Variants in DUS1L observed in about 807,000 individuals in gnomAD.
DUS1L encodes the protein tRNA-dihydrouridine(16/17) synthase [NAD(P)(+)]-like.
Under a neutral mutation model 61.2 loss-of-function variants are expected in DUS1L, and 56 were observed. That is an observed-to-expected ratio of 0.92 (90% confidence interval 0.74 to 1.14). DUS1L has a LOEUF of 1.14. Among genes scored for constraint, DUS1L ranks in the 50% most tolerant of loss-of-function variants. The probability of loss-of-function intolerance (pLI) is 0.00; values close to 1 mark genes in which losing one functional copy is unlikely to be tolerated. For synonymous variants in DUS1L, 278 were observed against 259.5 expected, an observed-to-expected ratio of 1.07 and a Z score of -0.69; for missense variants, 630 against 632.4, an observed-to-expected ratio of 1.00 and a Z score of 0.04.
At chr17:82,063,149 G>A (rs977154316) in intron 4 of DUS1L, 176 bp from the exon 5 acceptor site, 17 of 649,784 alleles carry the variant, frequency 2.6e-5, no homozygotes, top group Non-Finnish European at 4.3e-5. Flanking sequence ...GGCTCCCTCC[G>A]CCATACCCCC....
At chr17:82,058,557 G>C (rs2033207275) in intron 12 of DUS1L, 141 bp from the exon 13 acceptor site, 1 of 1,451,534 alleles carries the variant, frequency 6.9e-7, no homozygotes. Context: ...TCCCAAGCCA[G>C]ATGCCTCTCC....
Position 82,058,778 on chromosome 17 carries a change from C to T in DUS1L, c.1206+3G>A. On this transcript the variant is annotated splice_donor_region_variant and intron_variant, in intron 12 of 13. Coordinates refer to ENST00000306796, the MANE Select transcript of DUS1L (RefSeq NM_022156.5). ...TGGTGGCTTGCAGCCGGAACCCACTCACCTTTGGGTTTCCACACTGGTCAC... is the reference window on the plus strand; with the variant it reads ...TGGTGGCTTGCAGCCGGAACCCACTTACCTTTGGGTTTCCACACTGGTCAC... 6.2e-7 allele frequency: 1 copy of T among 1,613,416 alleles called. No homozygotes were observed. The highest frequency in any genetic ancestry group is 8.5e-7 in the Non-Finnish European group (1 of 1,179,938).
rs748078918 is a variant in DUS1L, at chr17:82,061,250, CA to C, written c.800del (p.Leu267ArgfsTer29). ...LDIVREHPCP[L>X]SYVRAHLFKL... ...TGAAGAGGTGGGCCCGGACGTAGGA[CA>C]GGGGGCAGGGGTGCTCCCGCACGAT... On this transcript the variant is annotated frameshift_variant, in exon 8 of 14. Transcript: ENST00000306796. LOFTEE classifies it high-confidence loss of function. 1 of 1,609,126 alleles carries C rather than the reference CA, an allele frequency of 6.2e-7. No individual in the cohort carries two copies. The highest frequency in any genetic ancestry group is 8.5e-7 in the Non-Finnish European group (1 of 1,177,748).
intron 3 of DUS1L, 31 bp downstream of exon 3, chr17:82,064,095 C>T: frequency 6.3e-7 from 1 of 1,595,460 alleles, no homozygotes; most frequent in Non-Finnish European, 8.6e-7. Context: ...GCCCCTGCCC[C>T]AGGTGCCCCC....
intron 5 of DUS1L, 22 bp downstream of exon 5, chr17:82,062,838 AC>A (rs1348300332): frequency 1.3e-6 from 2 of 1,592,938 alleles, no homozygotes; most frequent in Non-Finnish European, 8.6e-7. Flanking sequence ...GGCCCATGAC[AC>A]CCCCGCGAGC....
intron 4 of DUS1L, chr17:82,063,233 A>T (rs1181849780): frequency 1.6e-6 from 1 of 645,052 alleles, no homozygotes; most frequent in Non-Finnish European, 2.7e-6. Context: ...GGGCCCGAGC[A>T]AGGACTCTGC....
chr17:82,063,542 G>T (rs1164058851), intron 3 of DUS1L, 24 bp from the exon 4 acceptor site: 1 of 1,612,998 alleles, frequency 6.2e-7, no homozygotes, highest in Admixed American at 1.7e-5. Flanking sequence ...GCATGGCCTG[G>T]CTGGCACCTG....
chr17:82,060,520 A>G, intron 10 of DUS1L, 181 bp downstream of exon 10: 1 of 722,480 alleles, frequency 1.4e-6, no homozygotes, highest in Non-Finnish European at 2.2e-6. Context: ...CACCAAGGAC[A>G]CCGAGGGGCA....
chr17:82,058,066 G>C lies in DUS1L; in HGVS notation c.*49C>G. ...GAGTAAAAGGCATTTTCTTAAGTAG[G>C]ACGTGTCCAGGCTCCAGCAGCAGTC... On this transcript the variant is annotated 3_prime_UTR_variant, in exon 14 of 14. Transcript: ENST00000306796. The C allele has an allele frequency of 6.8e-7, 1 of 1,475,990 alleles. No homozygotes were observed. Among genetic ancestry groups the C allele is most frequent in the East Asian group, 2.5e-5 (1 of 40,258 alleles). 91.4% of individuals were successfully genotyped at this position (1,475,990 alleles called of 1,614,324 possible).
intron 11 of DUS1L, 111 bp from the exon 12 acceptor site, chr17:82,058,929 G>A: frequency 2.0e-6 from 2 of 1,011,140 alleles, no homozygotes; most frequent in South Asian, 1.3e-5. Context: ...GCCAGCTGTG[G>A]CCAGCCAGGC....
At position 82,064,784 on chromosome 17, in the gene DUS1L, A is replaced by C. The variant is rs201047778; in HGVS notation, c.237+39T>G. 5.0e-3 allele frequency: 7,575 copies of C among 1,506,762 alleles called. 44 individuals carry two copies. The highest frequency in any genetic ancestry group is 0.013 in the Middle Eastern group (57 of 4,308). 93.3% of individuals were successfully genotyped at this position (1,506,762 alleles called of 1,614,324 possible). On this transcript the variant is annotated intron_variant, in intron 2 of 13. Transcript: ENST00000306796. ...TTTCCCCAGGCATTCCAGGACCGGGAACCCAACCGCGGCCGCGGCCACAGC... is the reference window on the plus strand; with the variant it reads ...TTTCCCCAGGCATTCCAGGACCGGGCACCCAACCGCGGCCGCGGCCACAGC...
At position 82,060,788 on chromosome 17, in the gene DUS1L, A is replaced by T. The variant is rs1236384360; in HGVS notation, c.940-5T>A. 1 of 1,612,090 alleles carries T rather than the reference A, an allele frequency of 6.2e-7. No homozygotes were observed. Among genetic ancestry groups the T allele is most frequent in the Non-Finnish European group, 8.5e-7 (1 of 1,179,520 alleles). The stretch of plus-strand genomic sequence containing the variant: ...CTCCTGCCTGGATATCTCCTCCTGC[A>T]AAAGCCCAAGGCCCTGGTCATGGCC... On this transcript the variant is annotated splice_region_variant and splice_polypyrimidine_tract_variant and intron_variant, in intron 9 of 13. Coordinates refer to ENST00000306796, the MANE Select transcript of DUS1L (RefSeq NM_022156.5).
At position 82,061,087 on chromosome 17, in the gene DUS1L, C is replaced by T. The variant is rs2033467883; in HGVS notation, c.842+122G>A. Reference sequence around the variant, plus strand: ...ACTCCACTCCTAAGTCACCCCAGCCCCTCAAGACCTGACTTAGCAGCAAGT... The same window carrying T: ...ACTCCACTCCTAAGTCACCCCAGCCTCTCAAGACCTGACTTAGCAGCAAGT... On this transcript the variant is annotated intron_variant, in intron 8 of 13. Transcript: ENST00000306796. 2.6e-6 allele frequency: 4 copies of T among 1,534,642 alleles called. No individual in the cohort carries two copies. The South Asian group carries it at 3.6e-5, about 14-fold the overall frequency.
rs1297162163 is a variant in DUS1L at position 82,057,802 on chromosome 17, A to G, written c.*313T>C. Reference sequence around the variant, plus strand: ...TGTATCCTGTTGTTCAGAAGCCCCCACTGGCCCCAACCGCACCTGCCCCGG... The same window carrying G: ...TGTATCCTGTTGTTCAGAAGCCCCCGCTGGCCCCAACCGCACCTGCCCCGG... On this transcript the variant is annotated 3_prime_UTR_variant, in exon 14 of 14. Transcript: ENST00000306796. 7.5e-6 allele frequency: 2 copies of G among 266,778 alleles called. No homozygotes were observed. Among genetic ancestry groups the G allele is most frequent in the Non-Finnish European group, 1.4e-5 (2 of 140,962 alleles). 16.5% of individuals were successfully genotyped at this position (266,778 alleles called of 1,614,324 possible).
In DUS1L at chr17:82,057,776, A is replaced by C. The variant is rs770186941; in HGVS notation, c.*339T>G. 3.4e-5 allele frequency: 8 copies of C among 231,930 alleles called. No individual in the cohort carries two copies. Among genetic ancestry groups the C allele is most frequent in the Non-Finnish European group, 5.1e-5 (6 of 118,116 alleles). 14.4% of individuals were successfully genotyped at this position (231,930 alleles called of 1,614,324 possible). A position where few individuals can be genotyped will look rare whatever the true frequency, so the allele number is the denominator to read the frequency against. On this transcript the variant is annotated 3_prime_UTR_variant, in exon 14 of 14. Transcript: ENST00000306796. ...CTACCCAGATGCTGCCTTCATTTAG[A>C]TGTATCCTGTTGTTCAGAAGCCCCC...
intron 11 of DUS1L, chr17:82,059,067 G>C (rs1598547159): frequency 3.6e-6 from 2 of 557,800 alleles, no homozygotes; most frequent in East Asian, 5.9e-5. Context: ...GGGCTGGGGG[G>C]CCGCCGCAGG....
rs1226768052 is a variant in DUS1L, at chr17:82,057,680, G to A, written c.*435C>T. ...GGCTGTGAGGCATCACGAAGCTCCC[G>A]GAGGCTTTGGCCACTTGCCTATGGA... On this transcript the variant is annotated 3_prime_UTR_variant, in exon 14 of 14. Transcript: ENST00000306796. 4.6e-6 allele frequency: 1 copy of A among 217,370 alleles called. No homozygotes were observed. The highest frequency in any genetic ancestry group is 1.3e-4 in the East Asian group (1 of 7,600). The allele number at this position is 217,370 out of a possible 1,614,324, so 13.5% of individuals were successfully genotyped here.
chr17:82,058,527 G>A lies in DUS1L; in HGVS notation c.1207-111C>T, dbSNP rs780382603. The A allele has an allele frequency of 8.9e-6, 13 of 1,464,214 alleles. No individual in the cohort carries two copies. The South Asian group carries it at 1.6e-4, about 18-fold the overall frequency. The allele number at this position is 1,464,214 out of a possible 1,614,324, so 90.7% of individuals were successfully genotyped here. A position where few individuals can be genotyped will look rare whatever the true frequency, so the allele number is the denominator to read the frequency against. On this transcript the variant is annotated intron_variant, in intron 12 of 13. Transcript: ENST00000306796. Reference sequence around the variant, plus strand: ...GCCTCTGCCAGATGCCCACGGCCTGGATGCAGCCCTGGGAACTGCTCCCAA... The same window carrying A: ...GCCTCTGCCAGATGCCCACGGCCTGAATGCAGCCCTGGGAACTGCTCCCAA...
At chr17:82,059,806 C>A (rs917915531) in intron 11 of DUS1L, 142 bp downstream of exon 11, 75 of 1,263,428 alleles carry the variant, frequency 5.9e-5, no homozygotes, top group South Asian at 2.9e-4. Flanking sequence ...GCTGACTACT[C>A]CGCCAAGCCC....
Sources: allele counts gnomAD v4.1 joint callset, GRCh38; gene constraint gnomAD v4.1.1; transcripts MANE v1.5; gene names NCBI Gene and HGNC (gene_info 2026-07-23, HGNC 2026-07-21).